The following DGKG variants were observed in gnomAD, a reference collection of about 807,000 sequenced individuals.
DGKG encodes diacylglycerol kinase gamma.
Under a neutral mutation model 105.3 loss-of-function variants are expected in DGKG, and 78 were observed. The observed-to-expected ratio is 0.74, with a 90% CI of 0.62 to 0.89. The LOEUF (loss-of-function observed/expected upper bound fraction) is 0.89. DGKG is among the 40% of genes least tolerant of loss of function. The probability of loss-of-function intolerance (pLI) is 0.00; values close to 1 mark genes in which losing one functional copy is unlikely to be tolerated. For synonymous variants in DGKG, 346 were observed against 367.1 expected, an observed-to-expected ratio of 0.94 and a Z score of 0.66; for missense variants, 958 against 1,020.1, an observed-to-expected ratio of 0.94 and a Z score of 0.83.
At chr3:186,235,602 A>C (rs1291027383) in intron 20 of DGKG, among the ~76,000 whole-genome samples, 1 of 152,266 alleles carries the variant, frequency 6.6e-6, no homozygotes, top group Non-Finnish European at 1.5e-5. Flanking sequence ...AGATATAAGA[A>C]GAAAATCTTA....
chr3:186,239,845 T>C (rs888383), intron 20 of DGKG, among the ~76,000 whole-genome samples: 131,289 of 151,872 alleles, frequency 0.86, 58,580 homozygotes, highest in East Asian at 1. Context: ...GAAAAACAGT[T>C]CTACAGATCA....
intron 20 of DGKG, among the ~76,000 whole-genome samples, chr3:186,229,063 CAG>C (rs1719998784): frequency 6.6e-6 from 1 of 152,126 alleles, no homozygotes; most frequent in African/African-American, 2.4e-5. Flanking sequence ...AACAGAGACA[CAG>C]ATACAGAGGG....
intron 8 of DGKG, among the ~76,000 whole-genome samples, 162 bp from the exon 9 acceptor site, chr3:186,280,135 G>T (rs998821362): frequency 6.6e-6 from 1 of 152,206 alleles, no homozygotes; most frequent in South Asian, 2.1e-4. Flanking sequence ...AGGAGGCCAG[G>T]CTTCCAGGTC....
intron 7 of DGKG, among the ~76,000 whole-genome samples, chr3:186,283,940 G>A (rs1722942541): frequency 6.6e-6 from 1 of 152,116 alleles, no homozygotes; most frequent in Non-Finnish European, 1.5e-5. Flanking sequence ...TCCTGTTAAT[G>A]AGCCCTATCT....
At chr3:186,271,028 A>G (rs549198064) in intron 11 of DGKG, among the ~76,000 whole-genome samples, 11 of 152,316 alleles carry the variant, frequency 7.2e-5, no homozygotes, top group African/African-American at 2.6e-4. Context: ...ACGAGAGACC[A>G]TGCAGTGTCC....
Position 186,297,480 on chromosome 3 carries a change from G to A in DGKG, c.314C>T (p.Thr105Ile). 1 of 1,610,378 alleles carries A rather than the reference G, an allele frequency of 6.2e-7. No individual in the cohort carries two copies. Among genetic ancestry groups the A allele is most frequent in the South Asian group, 1.1e-5 (1 of 91,008 alleles). The part of the protein sequence containing the change: ...ASNSEANSAD[T>I]NIQNADNATK... ...GGCATTATCTGCATTCTGTATATTA[G>A]TATCTGAGGAAAAAAAAGAAGATTT... The change falls in exon 5 of 25, where the codon ACT becomes ATT. Residue 105 changes from threonine (T) to isoleucine (I), a missense_variant. Thr to Ile is a moderately conservative substitution (Grantham distance 89). Transcript: ENST00000265022.
chr3:186,161,575 C>A, intron 24 of DGKG, 28 bp downstream of exon 24: 2 of 1,614,024 alleles, frequency 1.2e-6, no homozygotes, highest in Non-Finnish European at 1.7e-6. Flanking sequence ...GGCTTCTCAT[C>A]CCCATCTCAA....
At position 186,148,524 on chromosome 3, in the gene DGKG, C is replaced by A; in HGVS notation, c.*1566G>T. 3.0e-6 allele frequency: 3 copies of A among 985,476 alleles called. No homozygotes were observed. In the South Asian group the frequency reaches 1.4e-4, roughly 46 times the overall value. 61.0% of individuals were successfully genotyped at this position (985,476 alleles called of 1,614,324 possible). A position where few individuals can be genotyped will look rare whatever the true frequency, so the allele number is the denominator to read the frequency against. The stretch of plus-strand genomic sequence containing the variant: ...GTGCTGTACGTTTGTTCCTCCCTGG[C>A]AACCTGGATCCAAGTGGACTCACTT... On this transcript the variant is annotated 3_prime_UTR_variant, in exon 25 of 25. Transcript: ENST00000265022.
Position 186,147,402 on chromosome 3 carries a change from T to G in DGKG, c.*2688A>C. 1 of 980,178 alleles carries G rather than the reference T, an allele frequency of 1.0e-6. No individual in the cohort carries two copies. The highest frequency in any genetic ancestry group is 1.2e-6 in the Non-Finnish European group (1 of 824,904). 60.7% of individuals were successfully genotyped at this position (980,178 alleles called of 1,614,324 possible). On this transcript the variant is annotated 3_prime_UTR_variant, in exon 25 of 25. Coordinates refer to ENST00000265022, the MANE Select transcript of DGKG (RefSeq NM_001346.3). ...GAGATCGAGATAATAATACCTTCTC[T>G]GCTAACCTCAGAGGTTGCTATGAGG...
intron 2 of DGKG, among the ~76,000 whole-genome samples, chr3:186,310,297 C>T (rs1381443574): frequency 2.6e-5 from 2 of 77,732 alleles, no homozygotes; most frequent in Admixed American, 1.3e-4. Context: ...AAACCACACA[C>T]ACACAACAAG....
intron 24 of DGKG, among the ~76,000 whole-genome samples, chr3:186,152,363 G>A (rs1267750755): frequency 6.6e-6 from 1 of 152,052 alleles, no homozygotes; most frequent in Non-Finnish European, 1.5e-5. Context: ...GGAGACTGGA[G>A]ACTCGGACAG....
rs1187500618 is a variant in DGKG, at chr3:186,257,959, C to A, written c.1425-20G>T. 6.3e-6 allele frequency: 10 copies of A among 1,590,524 alleles called. No homozygotes were observed. The South Asian group carries it at 8.8e-5, about 14-fold the overall frequency. ...TTCAACCTGGGAAGAAGAAGAAAGG[C>A]CAAAATGGGCTTGTTACTAGGTTGC... On this transcript the variant is annotated intron_variant, in intron 16 of 24. Transcript: ENST00000265022.
At chr3:186,245,739 G>A (rs1330686542) in intron 19 of DGKG, among the ~76,000 whole-genome samples, 1 of 152,124 alleles carries the variant, frequency 6.6e-6, no homozygotes, top group African/African-American at 2.4e-5. Flanking sequence ...AAGCACATGG[G>A]TGGACAAAGA....
At chr3:186,233,605 G>A (rs113186229) in intron 20 of DGKG, among the ~76,000 whole-genome samples, 14,240 of 152,154 alleles carry the variant, frequency 0.094, 734 homozygotes, top group Non-Finnish European at 0.12. Context: ...TCAGCCTCCC[G>A]AGTAGCTGGG....
At chr3:186,310,265 C>CAAAAAAAAAAAAAAAAAAAAAAAAA (rs1165723037) in intron 2 of DGKG, among the ~76,000 whole-genome samples, 1 of 33,290 alleles carries the variant, frequency 3.0e-5, no homozygotes, top group African/African-American at 9.0e-5. Context: ...GACTCCGTCT[C>CAAAAAAAAAAAAAAAAAAAAAAAAA]AAAAAAAAAA....
rs1374976482 is a variant in DGKG, at chr3:186,284,125, C to G, written c.594+535G>C. The stretch of plus-strand genomic sequence containing the variant: ...GATGGGAACATGTACTTAGAGCAGA[C>G]AGAACCAGACTCCTAGGCTAGTGCC... On this transcript the variant is annotated intron_variant, in intron 7 of 24. Coordinates refer to ENST00000265022, the MANE Select transcript of DGKG (RefSeq NM_001346.3). This position sits in a 1 kb window ranked among gnomAD's most constrained non-coding sequence, Gnocchi z 4.0. 6.6e-6 allele frequency among the ~76,000 whole-genome samples: 1 copy of G among 152,146 alleles called. No homozygotes were observed. Among genetic ancestry groups the G allele is most frequent in the Non-Finnish European group, 1.5e-5 (1 of 68,036 alleles).
chr3:186,227,677 C>T (rs948963477), intron 20 of DGKG, among the ~76,000 whole-genome samples: 3 of 152,250 alleles, frequency 2.0e-5, no homozygotes, highest in Admixed American at 6.5e-5. Flanking sequence ...TGCATTACAA[C>T]GTTTTTTAGT....
intron 3 of DGKG, among the ~76,000 whole-genome samples, chr3:186,303,423 G>T (rs1475407078): frequency 6.6e-6 from 1 of 152,172 alleles, no homozygotes; most frequent in Non-Finnish European, 1.5e-5. Context: ...TGGGCAATTT[G>T]CTCCTGCTGC....
At chr3:186,160,063 C>T (rs1029876022) in intron 24 of DGKG, 4 of 429,454 alleles carry the variant, frequency 9.3e-6, no homozygotes, top group African/African-American at 8.6e-5. Flanking sequence ...GTTGTTTAAG[C>T]TGTCAGTCTG....
Sources: gnomAD v4.1 joint callset for allele counts (sites outside exome capture counted in the v4.1 genomes callset) on GRCh38, gnomAD v4.1.1 for gene constraint, Gnocchi (gnomAD v3.1) non-coding constraint, MANE v1.5 for transcripts, NCBI Gene and HGNC (gene_info 2026-07-23, HGNC 2026-07-21) for gene names.